ADTRP: variants seen among roughly 807,000 people sequenced by gnomAD.
The protein encoded by ADTRP is androgen-dependent TFPI-regulating protein.
In ADTRP, 20 loss-of-function variants were observed where a neutral mutation model predicts 27.0. The observed-to-expected ratio is 0.74, with a 90% CI of 0.52 to 1.08. ADTRP has a LOEUF of 1.08. ADTRP is among the 50% of genes least tolerant of loss of function. ADTRP has a pLI of 0.00. For synonymous variants in ADTRP, 101 were observed against 105.2 expected (o/e 0.96, Z 0.25); for missense variants, 251 against 275.0 (o/e 0.91, Z 0.62).
At chr6:11,740,093 G>C (rs370277342) in intron 3 of ADTRP, among the ~76,000 whole-genome samples, 2 of 152,094 alleles carry the variant, frequency 1.3e-5, no homozygotes, top group African/African-American at 4.8e-5. Flanking sequence ...CTCTCAGATG[G>C]GTCATCAAGA....
chr6:11,716,526 G>A (rs1413346), intron 5 of ADTRP, among the ~76,000 whole-genome samples: 9,556 of 152,128 alleles, frequency 0.063, 377 homozygotes, highest in Middle Eastern at 0.13. Flanking sequence ...TCTCTGTGGT[G>A]CTCCCAAAGT....
intron 3 of ADTRP, among the ~76,000 whole-genome samples, chr6:11,739,669 A>G (rs1479293822): frequency 6.6e-6 from 1 of 152,254 alleles, no homozygotes; most frequent in Non-Finnish European, 1.5e-5. Context: ...TAATGATTTG[A>G]GCACTTGTTT....
intron 1 of ADTRP, among the ~76,000 whole-genome samples, chr6:11,772,450 C>T (rs1285345873): frequency 1.3e-5 from 2 of 152,252 alleles, no homozygotes; most frequent in Admixed American, 1.3e-4. Context: ...AAGCTTATCT[C>T]TTGCCTTTAA....
intron 5 of ADTRP, among the ~76,000 whole-genome samples, chr6:11,715,480 G>A (rs1033170182): frequency 6.6e-6 from 1 of 152,036 alleles, no homozygotes; most frequent in South Asian, 2.1e-4. Context: ...GGCTATCCTT[G>A]TATTCATCTC....
chr6:11,718,771 G>A (rs1216873721), intron 5 of ADTRP, among the ~76,000 whole-genome samples: 5 of 152,222 alleles, frequency 3.3e-5, no homozygotes, highest in Non-Finnish European at 4.4e-5. Context: ...GCTAGCCCAG[G>A]GCAGGGAGTG....
At chr6:11,735,543 T>C (rs1345264497) in intron 4 of ADTRP, 25 bp downstream of exon 4, 6 of 1,569,578 alleles carry the variant, frequency 3.8e-6, no homozygotes, top group African/African-American at 1.3e-5. Context: ...CAAGCCTAAG[T>C]TGACTTTCTC....
At chr6:11,725,281 G>A (rs1349307126) in intron 4 of ADTRP, among the ~76,000 whole-genome samples, 1 of 151,962 alleles carries the variant, frequency 6.6e-6, no homozygotes, top group Non-Finnish European at 1.5e-5. Flanking sequence ...CTCTAATAAG[G>A]GGTTAATATC....
At chr6:11,763,143 A>C (rs945695062) in intron 3 of ADTRP, among the ~76,000 whole-genome samples, 5 of 152,246 alleles carry the variant, frequency 3.3e-5, no homozygotes, top group Non-Finnish European at 7.3e-5. Flanking sequence ...GTCTGAATAC[A>C]CAACAAAGGC....
At chr6:11,722,106 A>G (rs1340547054) in intron 5 of ADTRP, among the ~76,000 whole-genome samples, 1 of 152,092 alleles carries the variant, frequency 6.6e-6, no homozygotes, top group Admixed American at 6.6e-5. Flanking sequence ...TTAGAATTAT[A>G]TGTCAACACA....
At chr6:11,769,471 A>G (rs1763692810) in intron 1 of ADTRP, among the ~76,000 whole-genome samples, 1 of 152,174 alleles carries the variant, frequency 6.6e-6, no homozygotes, top group Non-Finnish European at 1.5e-5. Context: ...AGCTACACCC[A>G]TCACCCAGGA....
intron 4 of ADTRP, among the ~76,000 whole-genome samples, chr6:11,731,361 C>A (rs1381010235): frequency 6.6e-6 from 1 of 152,176 alleles, no homozygotes; most frequent in Non-Finnish European, 1.5e-5. Flanking sequence ...CATTTTAAAG[C>A]ATAATTTGCT....
At chr6:11,770,573 G>C (rs1763738500) in intron 1 of ADTRP, among the ~76,000 whole-genome samples, 2 of 152,138 alleles carry the variant, frequency 1.3e-5, no homozygotes, top group Admixed American at 1.3e-4. Context: ...CCAGAAGATA[G>C]GAAATCATGG....
intron 5 of ADTRP, chr6:11,717,527 T>A: frequency 8.8e-7 from 1 of 1,135,558 alleles, no homozygotes; most frequent in Non-Finnish European, 1.1e-6. Flanking sequence ...AAAAACATAG[T>A]ATTCTCAAAG....
chr6:11,740,306 T>G (rs2743954), intron 3 of ADTRP, among the ~76,000 whole-genome samples: 3,062 of 152,328 alleles, frequency 0.02, 91 homozygotes, highest in Admixed American at 0.051. Flanking sequence ...TATTTTTAAG[T>G]GAAGTTTTAG....
chr6:11,722,431 G>T (rs917606796), intron 5 of ADTRP, among the ~76,000 whole-genome samples: 2 of 152,132 alleles, frequency 1.3e-5, no homozygotes, highest in African/African-American at 2.4e-5. Context: ...TTGGGCGGAA[G>T]ATGGCACTTC....
chr6:11,725,844 G>T (rs537076559), intron 4 of ADTRP, among the ~76,000 whole-genome samples: 1 of 135,258 alleles, frequency 7.4e-6, no homozygotes, highest in Admixed American at 8.9e-5. Flanking sequence ...AGCTTGCAGT[G>T]ATTGGAGATC....
rs767952293 is a variant in ADTRP, at chr6:11,768,290, T to A, written c.247A>T (p.Arg83Ter). The A allele has an allele frequency of 2.5e-6, 4 of 1,614,258 alleles. No individual in the cohort carries two copies. In the South Asian group the frequency reaches 4.4e-5, roughly 18 times the overall value. The change falls in exon 2 of 6, where the codon AGA (arginine) becomes TGA (stop). Residue 83 changes from arginine (R) to a stop codon, truncating the protein, a stop_gained. Coordinates refer to ENST00000414691, the MANE Select transcript of ADTRP (RefSeq NM_032744.4). LOFTEE classifies it high-confidence loss of function. The stretch of plus-strand genomic sequence containing the variant: ...GCCAGAGTGGTGAAAAGCAGGTCTC[T>A]GAAGGCAGTTAGGAACTTAATGTCT... ...GKDIKFLTAF[R>*]DLLFTTLAFP...
intron 5 of ADTRP, among the ~76,000 whole-genome samples, chr6:11,719,797 C>A: frequency 6.6e-6 from 1 of 152,210 alleles, no homozygotes; most frequent in Non-Finnish European, 1.5e-5. Context: ...TATCGGGTAG[C>A]TGTTACCTTT....
chr6:11,737,079 C>T (rs1009408683), intron 3 of ADTRP, among the ~76,000 whole-genome samples: 4 of 150,170 alleles, frequency 2.7e-5, no homozygotes, highest in Non-Finnish European at 5.9e-5. Context: ...CTGCAGCCTG[C>T]TCCCATCTTG....
Sources: gnomAD v4.1 joint callset for allele counts (sites outside exome capture counted in the v4.1 genomes callset) on GRCh38, gnomAD v4.1.1 for gene constraint, MANE v1.5 for transcripts, NCBI Gene and HGNC (gene_info 2026-07-23, HGNC 2026-07-21) for gene names.